PLD5: variants seen among roughly 807,000 people sequenced by gnomAD.
PLD5 encodes the protein inactive phospholipase D5.
In PLD5, 36 loss-of-function variants were observed where a neutral mutation model predicts 61.1. The observed-to-expected ratio is 0.59, with a 90% CI of 0.45 to 0.78. The LOEUF (loss-of-function observed/expected upper bound fraction) is 0.78, where lower values mean the gene tolerates loss of function less well. Ranked by LOEUF, PLD5 falls within the 30% of genes least tolerant of loss-of-function variation. The pLI is 0.00. For synonymous variants in PLD5, 243 were observed against 242.8 expected, an observed-to-expected ratio of 1.00 and a Z score of -0.01; for missense variants, 515 against 644.4, an observed-to-expected ratio of 0.80 and a Z score of 2.17.
At chr1:242,222,578 G>A (rs1021563046) in intron 4 of PLD5, among the ~76,000 whole-genome samples, 1 of 152,208 alleles carries the variant, frequency 6.6e-6, no homozygotes, top group African/African-American at 2.4e-5. Context: ...CCCGTGGCCA[G>A]TTGCCATTTG....
At chr1:242,515,582 G>A (rs1474190151) in intron 1 of PLD5, among the ~76,000 whole-genome samples, 2 of 152,152 alleles carry the variant, frequency 1.3e-5, no homozygotes, top group Non-Finnish European at 2.9e-5. Context: ...TCATTATTAT[G>A]CCTGAAAGAG....
At chr1:242,503,683 C>A (rs1668629289) in intron 1 of PLD5, among the ~76,000 whole-genome samples, 1 of 152,096 alleles carries the variant, frequency 6.6e-6, no homozygotes, top group Non-Finnish European at 1.5e-5. Context: ...AACTCTTTGG[C>A]CAATGATGGT....
At chr1:242,475,087 A>G (rs1286470824) in intron 1 of PLD5, among the ~76,000 whole-genome samples, 1 of 152,222 alleles carries the variant, frequency 6.6e-6, no homozygotes, top group Non-Finnish European at 1.5e-5. Flanking sequence ...CCTCTAAGCA[A>G]GCAGAGGCCA....
intron 1 of PLD5, among the ~76,000 whole-genome samples, chr1:242,393,587 CATATGTGTATATATATGAGCAT>C (rs1663103934): frequency 3.6e-5 from 2 of 55,466 alleles, no homozygotes; most frequent in African/African-American, 1.8e-4. Context: ...TATGAGTATA[CATATGTGTATATATATGAGCAT>C]ATATGTGTAT....
intron 5 of PLD5, among the ~76,000 whole-genome samples, chr1:242,216,816 T>A (rs1670236483): frequency 6.6e-6 from 1 of 152,214 alleles, no homozygotes; most frequent in Admixed American, 6.5e-5. Flanking sequence ...AGAAAGGAGA[T>A]AATTCAATGC....
At position 242,370,734 on chromosome 1, in the gene PLD5, C is replaced by T. The variant is rs145672169; in HGVS notation, c.190-22492G>A. ...GTCAATAGGAAGAGTCAATACTTAACAGCTAAAAATTACGCTTTCATGTTC... is the reference window on the plus strand; with the variant it reads ...GTCAATAGGAAGAGTCAATACTTAATAGCTAAAAATTACGCTTTCATGTTC... On this transcript the variant is annotated intron_variant, in intron 1 of 9. Coordinates refer to ENST00000536534, the MANE Select transcript of PLD5 (RefSeq NM_001372062.1). Among the ~76,000 whole-genome samples, 294 of 152,266 alleles carry T rather than the reference C, an allele frequency of 1.9e-3. 2 individuals carry two copies. The highest frequency in any genetic ancestry group is 6.7e-3 in the African/African-American group (278 of 41,574).
intron 8 of PLD5, among the ~76,000 whole-genome samples, chr1:242,104,615 T>C (rs549612526): frequency 6.6e-6 from 1 of 152,340 alleles, no homozygotes; most frequent in South Asian, 2.1e-4. Flanking sequence ...TTATTTAATG[T>C]ATGCTTCAGT....
At chr1:242,376,964 C>T in intron 1 of PLD5, 2 of 1,611,478 alleles carry the variant, frequency 1.2e-6, no homozygotes, top group Non-Finnish European at 8.5e-7. Flanking sequence ...TGATGAAGGC[C>T]ATGCCGTGTA....
rs555736614 is a variant in PLD5 at position 242,110,800 on chromosome 1, ACT to A, written c.1071-2963_1071-2962del. ...ACTCAGCCTGGGCGACAAGAGCAAA[ACT>A]CTGTCTCACACACACACACACACAC... On this transcript the variant is annotated intron_variant, in intron 7 of 9. Transcript: ENST00000536534. Among the ~76,000 whole-genome samples, 692 of 149,788 alleles carry A rather than the reference ACT, an allele frequency of 4.6e-3. 4 individuals carry two copies. The highest frequency in any genetic ancestry group is 8.8e-3 in the South Asian group (40 of 4,542).
chr1:242,429,946 C>CCCT (rs1221467872), intron 1 of PLD5, among the ~76,000 whole-genome samples: 2 of 152,042 alleles, frequency 1.3e-5, no homozygotes, highest in Non-Finnish European at 2.9e-5. Context: ...AACTCATGCC[C>CCCT]CAACACAGAC....
intron 8 of PLD5, 70 bp from the exon 9 acceptor site, chr1:242,100,852 G>T (rs1660632393): frequency 2.1e-5 from 21 of 1,018,532 alleles, no homozygotes; most frequent in Non-Finnish European, 3.0e-5. Flanking sequence ...GAGCACAAAA[G>T]AATGCATTAT....
intron 1 of PLD5, among the ~76,000 whole-genome samples, chr1:242,371,517 T>C (rs1661631927): frequency 6.6e-6 from 1 of 152,092 alleles, no homozygotes; most frequent in Non-Finnish European, 1.5e-5. Context: ...TCTCCATCCC[T>C]TATCCCCCTC....
intron 5 of PLD5, among the ~76,000 whole-genome samples, chr1:242,136,387 A>G (rs2840613): frequency 0.66 from 100,976 of 151,962 alleles, 33,936 homozygotes; most frequent in African/African-American, 0.75. Flanking sequence ...CTTGACTTAC[A>G]CCTGTTGCTT....
At chr1:242,406,580 CT>C (rs1333349112) in intron 1 of PLD5, among the ~76,000 whole-genome samples, 1 of 152,178 alleles carries the variant, frequency 6.6e-6, no homozygotes, top group Admixed American at 6.5e-5. Flanking sequence ...ACCAAGGAAG[CT>C]TTTGATAAAC....
At chr1:242,503,433 T>C (rs1668621177) in intron 1 of PLD5, among the ~76,000 whole-genome samples, 1 of 152,326 alleles carries the variant, frequency 6.6e-6, no homozygotes, top group South Asian at 2.1e-4. Flanking sequence ...TTTGTACAGC[T>C]TGCAGAACCA....
At chr1:242,329,717 C>T (rs1659051477) in intron 2 of PLD5, among the ~76,000 whole-genome samples, 1 of 152,114 alleles carries the variant, frequency 6.6e-6, no homozygotes, top group African/African-American at 2.4e-5. Context: ...TTCTTGAGTC[C>T]TCTACACCTT....
At chr1:242,469,950 C>T (rs1488748365) in intron 1 of PLD5, among the ~76,000 whole-genome samples, 1 of 152,110 alleles carries the variant, frequency 6.6e-6, no homozygotes, top group African/African-American at 2.4e-5. Flanking sequence ...GGCTATAGCC[C>T]ACAATCCGCC....
chr1:242,316,359 T>C (rs1192274983), intron 2 of PLD5, among the ~76,000 whole-genome samples: 4 of 152,320 alleles, frequency 2.6e-5, no homozygotes, highest in Admixed American at 1.3e-4. Flanking sequence ...GCTCTGTTAC[T>C]GGAGCACATT....
chr1:242,385,942 C>G (rs1165507769), intron 1 of PLD5, among the ~76,000 whole-genome samples: 1 of 152,134 alleles, frequency 6.6e-6, no homozygotes, highest in Non-Finnish European at 1.5e-5. Flanking sequence ...AATGTAGTGT[C>G]TCCTGGTTCT....
Sources: allele counts gnomAD v4.1 joint callset (sites outside exome capture counted in the v4.1 genomes callset), GRCh38; gene constraint gnomAD v4.1.1; transcripts MANE v1.5; gene names NCBI Gene and HGNC (gene_info 2026-07-23, HGNC 2026-07-21).